Variants in VPS13C observed in about 807,000 individuals in gnomAD.
VPS13C encodes the protein intermembrane lipid transfer protein VPS13C.
In VPS13C, 358 loss-of-function variants were observed where a neutral mutation model predicts 456.8. That is an observed-to-expected ratio of 0.78 (90% confidence interval 0.72 to 0.86). VPS13C has a LOEUF of 0.86. Among genes scored for constraint, VPS13C ranks in the 40% least tolerant of loss-of-function variants. The pLI is 0.00. For synonymous variants in VPS13C, 1,578 were observed against 1,486.7 expected (o/e 1.06, Z -1.41); for missense variants, 4,818 against 4,385.4 (o/e 1.10, Z -2.79).
intron 16 of VPS13C, among the ~76,000 whole-genome samples, chr15:61,999,294 G>A (rs1316011787): frequency 2.0e-5 from 3 of 151,646 alleles, no homozygotes; most frequent in Admixed American, 6.6e-5. Context: ...CAGGAGAATC[G>A]CTTGAAACCT....
At chr15:62,012,075 A>C in intron 12 of VPS13C, 32 bp downstream of exon 12, 1 of 1,266,926 alleles carries the variant, frequency 7.9e-7, no homozygotes, top group Non-Finnish European at 1.1e-6. Context: ...GTTTCTTCCT[A>C]TAACATGAAA....
chr15:61,917,822 C>T (rs1027460566), intron 59 of VPS13C, among the ~76,000 whole-genome samples, 187 bp from the exon 60 acceptor site: 6 of 151,626 alleles, frequency 4.0e-5, no homozygotes, highest in African/African-American at 9.7e-5. Context: ...AGCTAACTTA[C>T]GGAGGACTTT....
At chr15:61,910,426 A>C (rs559297209) in intron 63 of VPS13C, 121 bp from the exon 64 acceptor site, 5 of 781,608 alleles carry the variant, frequency 6.4e-6, no homozygotes, top group Admixed American at 4.3e-5. Context: ...GAAGTTTCTA[A>C]AAATATGTCC....
chr15:61,893,093 C>T (rs1242667504), intron 66 of VPS13C, among the ~76,000 whole-genome samples: 1 of 152,110 alleles, frequency 6.6e-6, no homozygotes, highest in Non-Finnish European at 1.5e-5. Flanking sequence ...AAAATACTTT[C>T]CCTATTGGAG....
Position 61,867,450 on chromosome 15 carries a change from C to T in VPS13C, c.10863+1209G>A, listed in dbSNP as rs1279167570. 3.0e-6 allele frequency: 3 copies of T among 987,036 alleles called. No individual in the cohort carries two copies. Among genetic ancestry groups the T allele is most frequent in the Non-Finnish European group, 3.6e-6 (3 of 831,290 alleles). 61.1% of individuals were successfully genotyped at this position (987,036 alleles called of 1,614,324 possible). A position where few individuals can be genotyped will look rare whatever the true frequency, so the allele number is the denominator to read the frequency against. ...CAATTCAATTATTAAAGCAGATGCT[C>T]CAGGTAATAGTCCCGTAACTTAAGC... On this transcript the variant is annotated intron_variant, in intron 81 of 84. Coordinates refer to ENST00000644861, the MANE Select transcript of VPS13C (RefSeq NM_020821.3). The surrounding 1 kb of genome is among the most constrained non-coding windows in gnomAD (Gnocchi z 5.0).
At chr15:62,010,108 T>C (rs1466468931) in intron 13 of VPS13C, among the ~76,000 whole-genome samples, 1 of 151,840 alleles carries the variant, frequency 6.6e-6, no homozygotes, top group Non-Finnish European at 1.5e-5. Flanking sequence ...GAGAATGGCA[T>C]GAACCCAGGA....
At chr15:61,855,879 C>A (rs1469078370) in intron 83 of VPS13C, among the ~76,000 whole-genome samples, 2 of 151,702 alleles carry the variant, frequency 1.3e-5, no homozygotes, top group Non-Finnish European at 2.9e-5. Flanking sequence ...TGCTTCCTTA[C>A]AAAATGATGG....
intron 66 of VPS13C, among the ~76,000 whole-genome samples, chr15:61,894,360 A>G (rs2042741162): frequency 6.6e-6 from 1 of 152,008 alleles, no homozygotes; most frequent in Admixed American, 6.6e-5. Flanking sequence ...ACAAAATGGC[A>G]GTAGTAAGTC....
At chr15:62,059,614 C>G (rs2048920963) in intron 1 of VPS13C, among the ~76,000 whole-genome samples, 1 of 152,202 alleles carries the variant, frequency 6.6e-6, no homozygotes, top group Non-Finnish European at 1.5e-5. Context: ...TTGAATTTCT[C>G]TCTATTGCTC....
intron 27 of VPS13C, among the ~76,000 whole-genome samples, chr15:61,972,075 T>A (rs2045572417): frequency 6.6e-6 from 1 of 152,296 alleles, no homozygotes; most frequent in East Asian, 1.9e-4. Flanking sequence ...CTGTCATTTA[T>A]CAAAGAAAAC....
chr15:62,023,357 G>C, intron 8 of VPS13C, 54 bp downstream of exon 8: 1 of 1,129,402 alleles, frequency 8.9e-7, no homozygotes, highest in Non-Finnish European at 1.2e-6. Context: ...GAAAAGTCAA[G>C]AATATTATAA....
At chr15:61,951,777 AT>A (rs763029625) in intron 39 of VPS13C, 46 bp downstream of exon 39, 2 of 1,549,672 alleles carry the variant, frequency 1.3e-6, no homozygotes, top group South Asian at 2.4e-5. Flanking sequence ...AAAGGTAGGG[AT>A]CATCTGCCTA....
intron 20 of VPS13C, 122 bp downstream of exon 20, chr15:61,983,697 AC>A: frequency 9.0e-7 from 1 of 1,110,398 alleles, no homozygotes; most frequent in South Asian, 1.6e-5. Context: ...AACAAGAAAA[AC>A]CTATTAGGAA....
intron 37 of VPS13C, among the ~76,000 whole-genome samples, chr15:61,958,405 C>T (rs1040960745): frequency 6.6e-6 from 1 of 152,040 alleles, no homozygotes; most frequent in Non-Finnish European, 1.5e-5. Context: ...AGAAAAAAGT[C>T]CAAAACTATA....
intron 66 of VPS13C, among the ~76,000 whole-genome samples, chr15:61,893,081 A>T (rs1200287309): frequency 4.6e-5 from 7 of 152,246 alleles, no homozygotes; most frequent in African/African-American, 1.7e-4. Flanking sequence ...AGAATTAACA[A>T]GAAAATACTT....
In VPS13C at chr15:61,878,670, G is replaced by A. The variant is rs755662852; in HGVS notation, c.10079C>T (p.Ser3360Phe). The change falls in exon 74 of 85, where the codon TCT (serine) becomes TTT (phenylalanine). Residue 3360 changes from serine (S) to phenylalanine (F), a missense_variant. Physicochemically the swap from Ser to Phe is radical, Grantham distance 155. Around this residue, in one of 3 missense-constraint regions of VPS13C, gnomAD observed 4,552 missense variants for 4,130.6 expected, o/e 1.10. Transcript: ENST00000644861. ...KEKQEMFAVH[S>F]VNLLLKSIGA... The stretch of plus-strand genomic sequence containing the variant: ...TATGCTTTTCAACAGCAAGTTGACA[G>A]AATGAACTGCAAACATTTCCTGTTT... 1.2e-6 allele frequency: 2 copies of A among 1,611,772 alleles called. No homozygotes were observed. The highest frequency in any genetic ancestry group is 1.7e-6 in the Non-Finnish European group (2 of 1,178,872).
intron 22 of VPS13C, among the ~76,000 whole-genome samples, chr15:61,980,126 G>T (rs548609567): frequency 4.4e-5 from 6 of 135,398 alleles, no homozygotes; most frequent in African/African-American, 1.6e-4. Flanking sequence ...AAAGGTTGCA[G>T]TGAGCAGAGA....
intron 75 of VPS13C, 67 bp downstream of exon 75, chr15:61,876,906 G>C: frequency 8.1e-7 from 1 of 1,234,944 alleles, no homozygotes. Context: ...ACACTATACA[G>C]TCACATGCAA....
intron 67 of VPS13C, among the ~76,000 whole-genome samples, chr15:61,888,573 A>G (rs139929437): frequency 4.3e-4 from 66 of 152,330 alleles, no homozygotes; most frequent in African/African-American, 1.5e-3. Context: ...CCTTAAAAGC[A>G]TATTGCTAAG....
Sources: allele counts gnomAD v4.1 joint callset (sites outside exome capture counted in the v4.1 genomes callset), GRCh38; gene constraint gnomAD v4.1.1; regional missense constraint gnomAD v4.1.1; non-coding constraint Gnocchi (gnomAD v3.1); transcripts MANE v1.5; gene names NCBI Gene and HGNC (gene_info 2026-07-23, HGNC 2026-07-21).